Variants in XYLB observed in about 807,000 individuals in gnomAD.
XYLB encodes xylulokinase.
A neutral mutation model predicts 78.7 loss-of-function variants in XYLB; 62 were observed. The observed-to-expected ratio is 0.79, with a 90% CI of 0.64 to 0.97. The LOEUF (loss-of-function observed/expected upper bound fraction) is 0.97. Ranked by LOEUF, XYLB falls within the 50% of genes least tolerant of loss-of-function variation. XYLB has a pLI of 0.00. For missense variants in XYLB, 687 were observed against 676.8 expected, an observed-to-expected ratio of 1.02 and a Z score of -0.17; for synonymous variants, 245 against 247.4, an observed-to-expected ratio of 0.99 and a Z score of 0.09.
intron 3 of XYLB, among the ~76,000 whole-genome samples, chr3:38,362,200 G>A (rs986843430): frequency 2.6e-5 from 4 of 152,168 alleles, no homozygotes; most frequent in African/African-American, 9.7e-5. Context: ...TAATATAGAG[G>A]GTTGAAAATG....
At chr3:38,356,747 T>C (rs1465984075) in intron 2 of XYLB, 1 of 152,260 alleles carries the variant, frequency 6.6e-6, no homozygotes, top group African/African-American at 2.4e-5. Context: ...TGTTTTTCCA[T>C]TCAACTTTTA....
intron 15 of XYLB, among the ~76,000 whole-genome samples, chr3:38,391,537 A>G (rs965288450): frequency 1.3e-5 from 2 of 152,212 alleles, no homozygotes; most frequent in Admixed American, 6.5e-5. Flanking sequence ...ATAGATAGCT[A>G]TTAGCTGTTA....
At chr3:38,378,420 A>G (rs542400896) in intron 14 of XYLB, among the ~76,000 whole-genome samples, 1 of 152,230 alleles carries the variant, frequency 6.6e-6, no homozygotes, top group South Asian at 2.1e-4. Flanking sequence ...CGACTGAATG[A>G]GCATGTACAT....
chr3:38,384,848 A>G (rs186731002), intron 15 of XYLB, among the ~76,000 whole-genome samples: 28 of 152,290 alleles, frequency 1.8e-4, no homozygotes, highest in African/African-American at 6.3e-4. Flanking sequence ...CAGAAATGCT[A>G]TTACATTCTA....
Position 38,355,680 on chromosome 3 carries a change from C to G in XYLB, c.141-4659C>G. 12 of 702,356 alleles carry G rather than the reference C, an allele frequency of 1.7e-5. No individual in the cohort carries two copies. The South Asian group carries it at 1.8e-4, about 10-fold the overall frequency. 43.5% of individuals were successfully genotyped at this position (702,356 alleles called of 1,614,324 possible). A position where few individuals can be genotyped will look rare whatever the true frequency, so the allele number is the denominator to read the frequency against. On this transcript the variant is annotated intron_variant, in intron 2 of 18. Transcript: ENST00000207870. Reference sequence around the variant, plus strand: ...AAATGTGATCAGGCCTCTAAAAGACCTAGTCCATCAAAACCTCCTTCTCTG... The same window carrying G: ...AAATGTGATCAGGCCTCTAAAAGACGTAGTCCATCAAAACCTCCTTCTCTG...
At chr3:38,393,901 T>A (rs1403605487) in intron 15 of XYLB, among the ~76,000 whole-genome samples, 2 of 152,216 alleles carry the variant, frequency 1.3e-5, no homozygotes, top group African/African-American at 4.8e-5. Flanking sequence ...CTTCCACATA[T>A]AAATTTAGGG....
chr3:38,409,824 A>C (rs1211904016), intron 18 of XYLB, among the ~76,000 whole-genome samples: 2 of 152,214 alleles, frequency 1.3e-5, no homozygotes, highest in African/African-American at 4.8e-5. Flanking sequence ...TCCAACTTAC[A>C]AGGGACATGA....
chr3:38,413,084 G>A lies in XYLB; in HGVS notation c.*71G>A, dbSNP rs1232754282. 4 of 1,443,918 alleles carry A rather than the reference G, an allele frequency of 2.8e-6. No individual in the cohort carries two copies. The highest frequency in any genetic ancestry group is 3.8e-6 in the Non-Finnish European group (4 of 1,066,066). The allele number at this position is 1,443,918 out of a possible 1,614,324, so 89.4% of individuals were successfully genotyped here. ...TTTGTCGACATGGCCCCAGACAGGA[G>A]GGATCCACTTCTCTGTTCTGAACAG... is the stretch of plus-strand genomic sequence containing the variant. On this transcript the variant is annotated 3_prime_UTR_variant, in exon 19 of 19. Coordinates refer to ENST00000207870, the MANE Select transcript of XYLB (RefSeq NM_005108.4).
intron 2 of XYLB, among the ~76,000 whole-genome samples, chr3:38,357,458 C>G (rs1347739841): frequency 6.6e-6 from 1 of 151,154 alleles, no homozygotes; most frequent in African/African-American, 2.4e-5. Flanking sequence ...GTGATCTCGG[C>G]TCACTGCAAG....
At chr3:38,398,249 C>T (rs1707970553) in intron 17 of XYLB, among the ~76,000 whole-genome samples, 5 of 151,168 alleles carry the variant, frequency 3.3e-5, no homozygotes, top group Admixed American at 3.3e-4. Flanking sequence ...GCGGGTGGAT[C>T]ACAAGGTCAG....
At chr3:38,447,137 A>T in the XYLB span, among the ~76,000 whole-genome samples, 2 of 152,212 alleles carry the variant, frequency 1.3e-5, no homozygotes, top group Non-Finnish European at 2.9e-5. Flanking sequence ...TTTTGAAAAG[A>T]AGACATATAA....
chr3:38,375,718 G>C (rs1178773470), intron 12 of XYLB, among the ~76,000 whole-genome samples: 2 of 152,164 alleles, frequency 1.3e-5, no homozygotes, highest in African/African-American at 4.8e-5. Context: ...GGCCTTTGGA[G>C]ACCTGTCCAA....
chr3:38,355,049 C>G (rs1445600659), intron 2 of XYLB, among the ~76,000 whole-genome samples: 1 of 152,200 alleles, frequency 6.6e-6, no homozygotes, highest in Non-Finnish European at 1.5e-5. Flanking sequence ...TGCAATGTGA[C>G]TGTAATTCCT....
At chr3:38,384,543 G>T (rs1365791484) in intron 15 of XYLB, among the ~76,000 whole-genome samples, 1 of 152,236 alleles carries the variant, frequency 6.6e-6, no homozygotes, top group East Asian at 1.9e-4. Context: ...GAGCCAAGGG[G>T]CTGGATGGAA....
At chr3:38,397,314 G>C (rs919466737) in intron 17 of XYLB, among the ~76,000 whole-genome samples, 155 bp downstream of exon 17, 2 of 152,154 alleles carry the variant, frequency 1.3e-5, no homozygotes, top group African/African-American at 4.8e-5. Flanking sequence ...CAGCAGGTGA[G>C]AACCAACCCA....
At chr3:38,416,392 T>C (rs933393852), downstream of XYLB, among the ~76,000 whole-genome samples, 1 of 152,138 alleles carries the variant, frequency 6.6e-6, no homozygotes, top group African/African-American at 2.4e-5. Flanking sequence ...AATAAAAATG[T>C]AAATCATCAA....
chr3:38,366,946 C>A, intron 7 of XYLB, 73 bp downstream of exon 7: 1 of 1,047,230 alleles, frequency 9.5e-7, no homozygotes, highest in South Asian at 1.3e-5. Context: ...ATAGATACAT[C>A]TTACGTGCAG....
intron 10 of XYLB, among the ~76,000 whole-genome samples, chr3:38,373,983 A>C (rs1231384956): frequency 6.6e-6 from 1 of 151,346 alleles, no homozygotes; most frequent in Non-Finnish European, 1.5e-5. Context: ...ATGCCACTGC[A>C]CTCCAGCCTG....
intron 7 of XYLB, 34 bp from the exon 8 acceptor site, chr3:38,368,151 G>A (rs1219999693): frequency 1.9e-6 from 3 of 1,602,508 alleles, no homozygotes; most frequent in Admixed American, 1.7e-5. Flanking sequence ...GTATGTGGAA[G>A]TGAGGCACCT....
Sources: gnomAD v4.1 joint callset for allele counts (sites outside exome capture counted in the v4.1 genomes callset) on GRCh38, gnomAD v4.1.1 for gene constraint, MANE v1.5 for transcripts, NCBI Gene and HGNC (gene_info 2026-07-23, HGNC 2026-07-21) for gene names.